GAP43: variants seen among roughly 807,000 people sequenced by gnomAD.
GAP43 encodes the protein neuromodulin.
A neutral mutation model predicts 18.6 loss-of-function variants in GAP43; 6 were observed. The observed-to-expected ratio is 0.32, with a 90% CI of 0.18 to 0.64. The LOEUF is 0.64. Ranked by LOEUF, GAP43 falls within the 30% of genes least tolerant of loss-of-function variation. GAP43 has a pLI of 0.78. For missense variants in GAP43, 292 were observed against 295.5 expected, an observed-to-expected ratio of 0.99 and a Z score of 0.09; for synonymous variants, 115 against 111.4, an observed-to-expected ratio of 1.03 and a Z score of -0.20.
chr3:115,680,347 T>C (rs1046822042), intron 2 of GAP43, among the ~76,000 whole-genome samples: 5 of 152,116 alleles, frequency 3.3e-5, no homozygotes, highest in African/African-American at 1.2e-4. Context: ...TCCCAGCCAC[T>C]CTGGAGGTTG....
chr3:115,672,392 A>AC (rs1332345696), intron 1 of GAP43, among the ~76,000 whole-genome samples: 1 of 152,194 alleles, frequency 6.6e-6, no homozygotes, highest in East Asian at 1.9e-4. Flanking sequence ...GGGTTACTCC[A>AC]CATAGCCAGT....
At chr3:115,664,994 T>A (rs949797498) in intron 1 of GAP43, among the ~76,000 whole-genome samples, 3 of 152,184 alleles carry the variant, frequency 2.0e-5, no homozygotes, top group East Asian at 3.8e-4. Context: ...TATTTTTTTT[T>A]AATTTCTCAA....
At chr3:115,680,922 CTG>C (rs1315194490) in intron 2 of GAP43, among the ~76,000 whole-genome samples, 1 of 152,170 alleles carries the variant, frequency 6.6e-6, no homozygotes, top group Admixed American at 6.5e-5. Context: ...TTCTACCAAG[CTG>C]TGTGTTAGAT....
chr3:115,699,006 T>A (rs1287966954), intron 2 of GAP43, among the ~76,000 whole-genome samples: 2 of 152,146 alleles, frequency 1.3e-5, no homozygotes, highest in Non-Finnish European at 2.9e-5. Flanking sequence ...TACTGCTGAT[T>A]CCTTGTAAAA....
chr3:115,698,065 AT>A (rs1709225191), intron 2 of GAP43, among the ~76,000 whole-genome samples: 1 of 69,670 alleles, frequency 1.4e-5, no homozygotes, highest in African/African-American at 6.6e-5. Context: ...TAAAATATAT[AT>A]TATATATAAT....
intron 1 of GAP43, among the ~76,000 whole-genome samples, chr3:115,639,348 T>C (rs1708368840): frequency 2.0e-5 from 3 of 152,092 alleles, no homozygotes; most frequent in Admixed American, 2.0e-4. Context: ...ATAAACTTCT[T>C]AATATCTGGG....
chr3:115,708,114 A>G (rs1371836596), intron 2 of GAP43, among the ~76,000 whole-genome samples: 1 of 152,216 alleles, frequency 6.6e-6, no homozygotes, highest in Non-Finnish European at 1.5e-5. Flanking sequence ...ACAAAATAAA[A>G]GAAATCTCTG....
intron 2 of GAP43, among the ~76,000 whole-genome samples, chr3:115,683,124 TGCGCGC>T (rs112169067): frequency 7.0e-5 from 8 of 113,872 alleles, no homozygotes; most frequent in South Asian, 3.3e-4. Context: ...TACATACATG[TGCGCGC>T]GCGTGCGCGC....
chr3:115,635,408 C>T (rs115750336), intron 1 of GAP43, among the ~76,000 whole-genome samples: 2,396 of 152,166 alleles, frequency 0.016, 26 homozygotes, highest in Non-Finnish European at 0.025. Flanking sequence ...AACCTAAGGA[C>T]AAGAGTTCCT....
At chr3:115,676,652 A>G (rs2107489970) in intron 2 of GAP43, 42 bp downstream of exon 2, 4 of 1,503,788 alleles carry the variant, frequency 2.7e-6, no homozygotes, top group Non-Finnish European at 3.5e-6. Flanking sequence ...TGGATGGGGA[A>G]GGGAGTTGCT....
At chr3:115,674,635 C>CAAAAGGAGAAA (rs1190870393) in intron 1 of GAP43, among the ~76,000 whole-genome samples, 3 of 152,082 alleles carry the variant, frequency 2.0e-5, no homozygotes, top group Non-Finnish European at 4.4e-5. Flanking sequence ...GTTGCTTTTT[C>CAAAAGGAGAAA]AAAAGGAGAA....
intron 1 of GAP43, among the ~76,000 whole-genome samples, chr3:115,674,624 A>T (rs1561382): frequency 0.74 from 112,272 of 152,126 alleles, 41,774 homozygotes; most frequent in East Asian, 0.87. Flanking sequence ...AGTTAATATA[A>T]GTTGCTTTTT....
chr3:115,703,689 G>A (rs550227742), intron 2 of GAP43, among the ~76,000 whole-genome samples: 98 of 152,068 alleles, frequency 6.4e-4, no homozygotes, highest in Non-Finnish European at 1.2e-3. Flanking sequence ...CTTTATTGGA[G>A]AGAAAAAAAC....
intron 1 of GAP43, among the ~76,000 whole-genome samples, chr3:115,637,504 C>A (rs1409704422): frequency 6.6e-6 from 1 of 152,012 alleles, no homozygotes; most frequent in African/African-American, 2.4e-5. Flanking sequence ...CCCACCTACA[C>A]CTTTGGTTGC....
At position 115,623,625 on chromosome 3, in the gene GAP43, G is replaced by A. The variant is rs571049100; in HGVS notation, c.-65G>A. The A allele has an allele frequency of 2.5e-6, 4 of 1,596,282 alleles. No homozygotes were observed. Among genetic ancestry groups the A allele is most frequent in the African/African-American group, 1.3e-5 (1 of 74,654 alleles). On this transcript the variant is annotated 5_prime_UTR_variant, in exon 1 of 3. Coordinates refer to ENST00000305124, the MANE Select transcript of GAP43 (RefSeq NM_002045.4). ...GCGAGCAGAAAAGAGGTGGAGAGGG[G>A]GGGAATAAGAAAGAGAGAGAAGGAA... is the stretch of plus-strand genomic sequence containing the variant.
rs562445656 is a variant in GAP43 at position 115,719,837 on chromosome 3, C to T, written c.629-957C>T. 3.3e-5 allele frequency among the ~76,000 whole-genome samples: 5 copies of T among 152,258 alleles called. No individual in the cohort carries two copies. In the South Asian group the frequency reaches 1.0e-3, roughly 32 times the overall value. The stretch of plus-strand genomic sequence containing the variant: ...ACACAGGGAGTTGATTGTTTGGCAA[C>T]ACAAGTTGTTTCAGAGCAAATGAAT... On this transcript the variant is annotated intron_variant, in intron 2 of 2. Coordinates refer to ENST00000305124, the MANE Select transcript of GAP43 (RefSeq NM_002045.4).
intron 1 of GAP43, chr3:115,663,873 C>T (rs1473405143): frequency 2.6e-6 from 4 of 1,552,136 alleles, no homozygotes; most frequent in Non-Finnish European, 3.5e-6. Context: ...GCAGTTCGAC[C>T]TAGTCCTTAT....
intron 2 of GAP43, among the ~76,000 whole-genome samples, chr3:115,680,497 T>G (rs1708948193): frequency 1.3e-5 from 2 of 152,138 alleles, no homozygotes; most frequent in Admixed American, 1.3e-4. Context: ...CAAGATGTAC[T>G]CTTTTGACCT....
At chr3:115,713,554 C>T (rs146765619) in intron 2 of GAP43, among the ~76,000 whole-genome samples, 5 of 152,332 alleles carry the variant, frequency 3.3e-5, no homozygotes, top group South Asian at 2.1e-4. Flanking sequence ...CACAAGCAGC[C>T]GCTGCTGCAT....
Sources: allele counts gnomAD v4.1 joint callset (sites outside exome capture counted in the v4.1 genomes callset), GRCh38; gene constraint gnomAD v4.1.1; transcripts MANE v1.5; gene names NCBI Gene and HGNC (gene_info 2026-07-23, HGNC 2026-07-21).